HMCN1: variants seen among roughly 807,000 people sequenced by gnomAD.
HMCN1 encodes the protein hemicentin-1.
HMCN1 carries 321 observed loss-of-function variants against 625.9 expected under a neutral mutation model. That is an observed-to-expected ratio of 0.51 (90% CI 0.47 to 0.56). The LOEUF is 0.56. Ranked by LOEUF, HMCN1 falls within the 20% of genes least tolerant of loss-of-function variation. The probability of loss-of-function intolerance (pLI) is 0.00; values close to 1 mark genes in which losing one functional copy is unlikely to be tolerated. For synonymous variants in HMCN1, 2,425 were observed against 2,417.6 expected (o/e 1.00, Z -0.09); for missense variants, 6,588 against 6,887.3 (o/e 0.96, Z 1.54).
chr1:185,942,217 G>GA (rs1430107164), intron 11 of HMCN1, among the ~76,000 whole-genome samples: 2 of 147,486 alleles, frequency 1.4e-5, no homozygotes, highest in Non-Finnish European at 3.0e-5. Context: ...AATCAAAAAA[G>GA]AAAAAAAGGA....
In HMCN1 at chr1:185,993,318, T is replaced by A; in HGVS notation, c.3505+9T>A. The A allele has an allele frequency of 6.2e-7, 1 of 1,612,222 alleles. No individual in the cohort carries two copies. The highest frequency in any genetic ancestry group is 8.5e-7 in the Non-Finnish European group (1 of 1,178,628). Reference sequence around the variant, plus strand: ...CAAATTAAATGTCCATGGTGAGTCTTGAAATGAGAACATATGACAACCCTG... The same window carrying A: ...CAAATTAAATGTCCATGGTGAGTCTAGAAATGAGAACATATGACAACCCTG... On this transcript the variant is annotated intron_variant, in intron 23 of 106. Transcript: ENST00000271588.
chr1:185,747,013 G>A (rs1415426369), intron 1 of HMCN1, among the ~76,000 whole-genome samples: 1 of 152,148 alleles, frequency 6.6e-6, no homozygotes, highest in Non-Finnish European at 1.5e-5. Flanking sequence ...TACAAAGAAG[G>A]TCACATTTTG....
At position 186,120,044 on chromosome 1, in the gene HMCN1, T is replaced by A; in HGVS notation, c.12128T>A (p.Leu4043Ter). Residue 4043 changes from leucine to a stop codon, truncating the protein, a stop_gained, in exon 80 of 107, where the codon TTA becomes TAA. Transcript: ENST00000271588. LOFTEE classifies it high-confidence loss of function. ...CATGCAGTTCTTCCTAGTGGCGGCT[T>A]ACAGATCTCCAGAGCTGTCCGAGAG... ...RNHAVLPSGG[L>*]QISRAVREDA... The A allele has an allele frequency of 6.2e-7, 1 of 1,614,058 alleles. No homozygotes were observed. The highest frequency in any genetic ancestry group is 8.5e-7 in the Non-Finnish European group (1 of 1,179,966).
chr1:185,949,596 G>A (rs1668536298), intron 11 of HMCN1, among the ~76,000 whole-genome samples: 1 of 151,822 alleles, frequency 6.6e-6, no homozygotes, highest in Admixed American at 6.6e-5. Context: ...AAAACTGCTT[G>A]GCTGATTTGA....
At chr1:185,747,165 A>G (rs767332900) in intron 1 of HMCN1, among the ~76,000 whole-genome samples, 5 of 152,148 alleles carry the variant, frequency 3.3e-5, no homozygotes, top group Non-Finnish European at 7.3e-5. Flanking sequence ...AAAATTTCTG[A>G]TCAAAATATT....
At chr1:185,915,383 A>T (rs1310469820) in intron 6 of HMCN1, among the ~76,000 whole-genome samples, 2 of 152,124 alleles carry the variant, frequency 1.3e-5, no homozygotes, top group African/African-American at 4.8e-5. Flanking sequence ...CTTGAGCCAA[A>T]TTTTGTCCTC....
intron 1 of HMCN1, among the ~76,000 whole-genome samples, chr1:185,759,245 C>T (rs915256585): frequency 6.6e-6 from 1 of 152,126 alleles, no homozygotes; most frequent in African/African-American, 2.4e-5. Flanking sequence ...AATATGAGTA[C>T]ACTGCACAGA....
At chr1:186,064,597 C>T (rs1456001194) in intron 48 of HMCN1, among the ~76,000 whole-genome samples, 2 of 151,912 alleles carry the variant, frequency 1.3e-5, no homozygotes, top group African/African-American at 4.8e-5. Context: ...ATCACAAGGT[C>T]AGGAGATCAA....
At chr1:185,885,869 T>G (rs1664611575) in intron 4 of HMCN1, among the ~76,000 whole-genome samples, 1 of 152,074 alleles carries the variant, frequency 6.6e-6, no homozygotes, top group South Asian at 2.1e-4. Flanking sequence ...AGTAATACTG[T>G]GCTTTTCATA....
chr1:186,053,699 G>T, intron 43 of HMCN1, 126 bp from the exon 44 acceptor site: 1 of 899,950 alleles, frequency 1.1e-6, no homozygotes. Flanking sequence ...CACTAGGGCA[G>T]GATTATTTTA....
chr1:185,985,182 T>C (rs781550583), intron 19 of HMCN1, among the ~76,000 whole-genome samples: 23 of 152,192 alleles, frequency 1.5e-4, no homozygotes, highest in Non-Finnish European at 2.8e-4. Flanking sequence ...CCTTTCTCAG[T>C]TTTACGTTAA....
At chr1:185,882,247 G>A (rs1401906927) in intron 4 of HMCN1, among the ~76,000 whole-genome samples, 3 of 152,086 alleles carry the variant, frequency 2.0e-5, no homozygotes, top group Non-Finnish European at 4.4e-5. Flanking sequence ...ATGCAGTTAT[G>A]GAATGAAGCA....
chr1:185,752,053 C>T (rs546607539), intron 1 of HMCN1, among the ~76,000 whole-genome samples: 91 of 152,172 alleles, frequency 6.0e-4, no homozygotes, highest in African/African-American at 2.0e-3. Flanking sequence ...TGTATACTAC[C>T]GGTCTTTCTA....
chr1:185,905,943 T>C (rs1255087923), intron 4 of HMCN1, among the ~76,000 whole-genome samples: 1 of 151,830 alleles, frequency 6.6e-6, no homozygotes, highest in East Asian at 1.9e-4. Context: ...CAGAGAACCA[T>C]TTTTATATTA....
Position 186,076,640 on chromosome 1 carries a change from C to A in HMCN1, c.8485+18C>A, listed in dbSNP as rs1332444385. The A allele has an allele frequency of 6.2e-7, 1 of 1,607,690 alleles. No individual in the cohort carries two copies. The highest frequency in any genetic ancestry group is 1.3e-5 in the African/African-American group (1 of 74,950). ...TTTGCCAGGTAAAGATTGATACCAA[C>A]AGGGTGAAAAGCTGACTCTCTGCCA... On this transcript the variant is annotated intron_variant, in intron 54 of 106. Coordinates refer to ENST00000271588, the MANE Select transcript of HMCN1 (RefSeq NM_031935.3).
At chr1:185,743,968 G>A (rs1286976794) in intron 1 of HMCN1, among the ~76,000 whole-genome samples, 3 of 148,024 alleles carry the variant, frequency 2.0e-5, no homozygotes, top group African/African-American at 7.5e-5. Context: ...TCTACTTGAT[G>A]ACTTTACTGT....
chr1:186,171,546 C>A, intron 101 of HMCN1, 96 bp downstream of exon 101: 1 of 946,002 alleles, frequency 1.1e-6, no homozygotes, highest in Non-Finnish European at 1.7e-6. Flanking sequence ...GTACTGGTTC[C>A]TATATAGGAC....
intron 83 of HMCN1, 136 bp downstream of exon 83, chr1:186,128,427 G>A: frequency 1.3e-6 from 1 of 744,348 alleles, no homozygotes; most frequent in South Asian, 1.6e-5. Context: ...GTGTGCCTCT[G>A]CTTGGATTTT....
rs1042498121 is a variant in HMCN1, at chr1:186,070,685, C to T, written c.8067C>T (p.Asn2689=). ...LSPKEVKIKV[N]NTLTLECEAY... ...CTAAAGAAGTGAAGATCAAAGTAAA[C>T]AACACTCTGACCTTGGAATGTGAAG... Residue 2689 remains asparagine, a synonymous_variant, in exon 52 of 107, where the codon AAC becomes AAT. Transcript: ENST00000271588. The T allele has an allele frequency of 1.2e-6, 2 of 1,613,410 alleles. No homozygotes were observed. Among genetic ancestry groups the T allele is most frequent in the Admixed American group, 1.7e-5 (1 of 59,994 alleles).
Sources: gnomAD v4.1 joint callset for allele counts (sites outside exome capture counted in the v4.1 genomes callset) on GRCh38, gnomAD v4.1.1 for gene constraint, MANE v1.5 for transcripts, NCBI Gene and HGNC (gene_info 2026-07-23, HGNC 2026-07-21) for gene names.